Variants in IQCJ observed in about 807,000 individuals in gnomAD.
IQCJ encodes IQ domain-containing protein J.
A neutral mutation model predicts 11.0 loss-of-function variants in IQCJ; 9 were observed. The observed-to-expected ratio is 0.82, with a 90% CI of 0.49 to 1.43. IQCJ has a LOEUF of 1.43. Among genes scored for constraint, IQCJ ranks in the 40% most tolerant of loss-of-function variants. IQCJ has a pLI of 0.00. For missense variants in IQCJ, 146 were observed against 133.2 expected (o/e 1.10, Z -0.47); for synonymous variants, 55 against 51.3 (o/e 1.07, Z -0.31).
intron 1 of IQCJ, among the ~76,000 whole-genome samples, chr3:159,114,312 TG>T (rs1465324060): frequency 7.3e-5 from 9 of 123,196 alleles, no homozygotes; most frequent in African/African-American, 1.5e-4. Context: ...TGTTTCTAAA[TG>T]TTTTTTTTTT....
intron 1 of IQCJ, among the ~76,000 whole-genome samples, chr3:159,240,680 T>C (rs1726864854): frequency 6.6e-6 from 1 of 152,198 alleles, no homozygotes; most frequent in South Asian, 2.1e-4. Context: ...CCAGGCACTG[T>C]GGCTCACACC....
intron 1 of IQCJ, among the ~76,000 whole-genome samples, chr3:159,070,530 T>C (rs534015640): frequency 1.3e-5 from 2 of 152,270 alleles, no homozygotes; most frequent in East Asian, 3.9e-4. Context: ...CAATGTGCTA[T>C]ATGCTTAAAA....
intron 1 of IQCJ, among the ~76,000 whole-genome samples, chr3:159,191,562 A>G (rs528478352): frequency 2.6e-5 from 4 of 152,314 alleles, no homozygotes; most frequent in African/African-American, 9.6e-5. Context: ...TGGGATTTAT[A>G]GCCTATATAA....
intron 1 of IQCJ, among the ~76,000 whole-genome samples, chr3:159,179,841 C>G (rs961370894): frequency 6.6e-6 from 1 of 152,116 alleles, no homozygotes; most frequent in African/African-American, 2.4e-5. Context: ...AGTGGAAGAG[C>G]CCAATTCAAA....
At chr3:159,081,470 T>G (rs1410502121) in intron 1 of IQCJ, among the ~76,000 whole-genome samples, 1 of 152,038 alleles carries the variant, frequency 6.6e-6, no homozygotes, top group Non-Finnish European at 1.5e-5. Flanking sequence ...ATTCGAGAGA[T>G]TTTGAGATTT....
chr3:159,244,616 A>G (rs1051821773), intron 1 of IQCJ, among the ~76,000 whole-genome samples: 14 of 152,206 alleles, frequency 9.2e-5, no homozygotes, highest in African/African-American at 3.4e-4. Flanking sequence ...GTATATTCAA[A>G]GAAGTTGGGG....
rs79607711 is a variant in IQCJ at position 159,160,207 on chromosome 3, T to G, written c.10-85636T>G. ...ATATTGGGAGAGATGCTGCCCTGTT[T>G]CCATCACCAACACTCACACCTTCAT... is the stretch of plus-strand genomic sequence containing the variant. On this transcript the variant is annotated intron_variant, in intron 1 of 3. Transcript: ENST00000397832. 9.1e-3 allele frequency among the ~76,000 whole-genome samples: 1,389 copies of G among 152,332 alleles called. 19 individuals carry two copies. Among genetic ancestry groups the G allele is most frequent in the African/African-American group, 0.032 (1,346 of 41,576 alleles).
chr3:159,248,688 A>G (rs1411247557), intron 2 of IQCJ, among the ~76,000 whole-genome samples: 1 of 152,184 alleles, frequency 6.6e-6, no homozygotes, highest in East Asian at 1.9e-4. Context: ...ATCTTCCTTC[A>G]TGTAGCTCTA....
At chr3:159,138,373 A>G (rs750927865) in intron 1 of IQCJ, among the ~76,000 whole-genome samples, 4 of 152,142 alleles carry the variant, frequency 2.6e-5, no homozygotes, top group Non-Finnish European at 4.4e-5. Flanking sequence ...TCATGTTACT[A>G]TCCTCCTTTT....
intron 1 of IQCJ, 118 bp downstream of exon 1, chr3:159,069,559 T>C (rs1715397698): frequency 7.1e-7 from 1 of 1,416,260 alleles, no homozygotes; most frequent in Non-Finnish European, 9.5e-7. Context: ...CAAAAAGAGC[T>C]TATAGAACAG....
At position 159,252,787 on chromosome 3, in the gene IQCJ, C is replaced by A. The variant is rs1317407854; in HGVS notation, c.135C>A (p.Pro45=). 1 of 1,611,632 alleles carries A rather than the reference C, an allele frequency of 6.2e-7. No individual in the cohort carries two copies. The highest frequency in any genetic ancestry group is 1.3e-5 in the African/African-American group (1 of 74,848). The change falls in exon 3 of 4, where the codon CCC becomes CCA. Residue 45 remains proline, a synonymous_variant. Coordinates refer to ENST00000397832, the MANE Select transcript of IQCJ (RefSeq NM_001042706.3). ...AAAAGTATCCCCTCAATCTACAGCC[C>A]TTGGAATCAAAGGTGAAAATGTAAG... is the stretch of plus-strand genomic sequence containing the variant. ...NIEKYPLNLQ[P]LESKVKIIQR...
chr3:159,192,304 TTG>T (rs2108043239), intron 1 of IQCJ, among the ~76,000 whole-genome samples: 1 of 140,346 alleles, frequency 7.1e-6, no homozygotes, highest in East Asian at 2.1e-4. Flanking sequence ...AGGGCAATTT[TTG>T]GGGTGGAGGG....
chr3:159,151,384 T>C (rs1721206519), intron 1 of IQCJ, among the ~76,000 whole-genome samples: 1 of 152,210 alleles, frequency 6.6e-6, no homozygotes, highest in African/African-American at 2.4e-5. Context: ...CCAGTTTGGC[T>C]GACTGGCTCG....
intron 1 of IQCJ, among the ~76,000 whole-genome samples, chr3:159,089,343 G>A (rs2108076420): frequency 6.6e-6 from 1 of 152,224 alleles, no homozygotes; most frequent in Non-Finnish European, 1.5e-5. Flanking sequence ...CTTTCTGGCT[G>A]CCCTTAACAT....
intron 1 of IQCJ, among the ~76,000 whole-genome samples, chr3:159,228,971 A>G (rs961266530): frequency 6.6e-6 from 1 of 152,210 alleles, no homozygotes; most frequent in African/African-American, 2.4e-5. Context: ...ATGATGTGGT[A>G]CTCAGTTGTT....
At chr3:159,083,642 A>G (rs768388569) in intron 1 of IQCJ, among the ~76,000 whole-genome samples, 3 of 152,198 alleles carry the variant, frequency 2.0e-5, no homozygotes, top group Non-Finnish European at 2.9e-5. Context: ...CTGTATTCAC[A>G]TAAACAACTG....
intron 1 of IQCJ, among the ~76,000 whole-genome samples, chr3:159,197,037 C>A (rs764752395): frequency 1.5e-4 from 22 of 151,628 alleles, no homozygotes; most frequent in Non-Finnish European, 2.9e-4. Flanking sequence ...ATTAAAGGCA[C>A]CTGGTTGGTC....
intron 1 of IQCJ, among the ~76,000 whole-genome samples, chr3:159,094,011 T>A (rs1175971453): frequency 6.6e-6 from 1 of 151,864 alleles, no homozygotes; most frequent in Non-Finnish European, 1.5e-5. Context: ...GAAGCCTTTG[T>A]CAGTCATACA....
chr3:159,122,521 A>G (rs528886800), intron 1 of IQCJ, among the ~76,000 whole-genome samples: 7 of 152,268 alleles, frequency 4.6e-5, no homozygotes, highest in African/African-American at 1.7e-4. Context: ...GAGCCAATTT[A>G]GTGCTCAAAG....
Sources: allele counts gnomAD v4.1 joint callset (sites outside exome capture counted in the v4.1 genomes callset), GRCh38; gene constraint gnomAD v4.1.1; transcripts MANE v1.5; gene names NCBI Gene and HGNC (gene_info 2026-07-23, HGNC 2026-07-21).